Variants in FCGRT observed in about 807,000 individuals in gnomAD.
FCGRT encodes Fc gamma receptor and transporter, also known as IgG receptor FcRn large subunit p51.
FCGRT carries 13 observed loss-of-function variants against 35.7 expected under a neutral mutation model. The ratio of observed to expected loss-of-function variants is 0.36; its 90% CI spans 0.24 to 0.58. The LOEUF is 0.58. Among genes scored for constraint, FCGRT ranks in the 20% least tolerant of loss-of-function variants. FCGRT has a pLI of 0.77. For missense variants in FCGRT, 455 were observed against 474.9 expected, an observed-to-expected ratio of 0.96 and a Z score of 0.39; for synonymous variants, 233 against 216.5, an observed-to-expected ratio of 1.08 and a Z score of -0.67.
chr19:49,512,676 A>T lies in FCGRT; in HGVS notation c.-89A>T, dbSNP rs1039241112. On this transcript the variant is annotated 5_prime_UTR_variant, in exon 1 of 7. Transcript: ENST00000221466. ...AGCCTCCCACAGGATGTGAGAGAGG[A>T]ACTGGGGTCTCCAGTCACGGGAGCC... The T allele has an allele frequency of 6.4e-6, 1 of 155,292 alleles. No individual in the cohort carries two copies. The highest frequency in any genetic ancestry group is 1.4e-5 in the Non-Finnish European group (1 of 69,888). The allele number at this position is 155,292 out of a possible 1,614,324, so 9.6% of individuals were successfully genotyped here. A position where few individuals can be genotyped will look rare whatever the true frequency, so the allele number is the denominator to read the frequency against.
intron 4 of FCGRT, among the ~76,000 whole-genome samples, chr19:49,515,927 G>T (rs2080004839): frequency 6.6e-6 from 1 of 152,120 alleles, no homozygotes; most frequent in African/African-American, 2.4e-5. Context: ...CAAGGTCAGG[G>T]CTGGATATCA....
In FCGRT at chr19:49,514,146, T is replaced by A; in HGVS notation, c.325+13T>A. ...TTGGGGGGAAAAGGTGAGATTCCGG[T>A]CTGGAGGGGCAAGGGGCCGGGTCCA... On this transcript the variant is annotated intron_variant, in intron 3 of 6. Transcript: ENST00000221466. The A allele has an allele frequency of 6.2e-7, 1 of 1,612,802 alleles. No individual in the cohort carries two copies. Among genetic ancestry groups the A allele is most frequent in the Non-Finnish European group, 8.5e-7 (1 of 1,179,396 alleles).
At chr19:49,525,664 G>T (rs1362679343) in intron 6 of FCGRT, 91 bp downstream of exon 6, 15 of 874,032 alleles carry the variant, frequency 1.7e-5, no homozygotes, top group East Asian at 1.6e-4. Flanking sequence ...GACCCAGAGA[G>T]GGGGGACAGA....
chr19:49,524,993 T>C, intron 5 of FCGRT: 2 of 686,362 alleles, frequency 2.9e-6, no homozygotes, highest in East Asian at 2.8e-5. Flanking sequence ...CCTCACTGAG[T>C]CTGAAGAGCT....
In FCGRT at chr19:49,514,121, T is replaced by G; in HGVS notation, c.313T>G (p.Leu105Val). ...GCTCTTTCTGGAAGCTTTCAAAGCT[T>G]TGGGGGGAAAAGGTGAGATTCCGGT... ...EKLFLEAFKA[L>V]GGKGPYTLQG... Residue 105 changes from leucine to valine, a missense_variant, in exon 3 of 7, where the codon TTG (leucine) becomes GTG (valine). Physicochemically the swap from Leu to Val is conservative, Grantham distance 32. This residue lies in a region of FCGRT where 136 missense variants were observed against 158.9 expected (regional missense o/e 0.86). Coordinates refer to ENST00000221466, the MANE Select transcript of FCGRT (RefSeq NM_001136019.3). The G allele has an allele frequency of 1.2e-6, 2 of 1,612,778 alleles. No individual in the cohort carries two copies. Among genetic ancestry groups the G allele is most frequent in the Non-Finnish European group, 1.7e-6 (2 of 1,179,830 alleles).
intron 4 of FCGRT, among the ~76,000 whole-genome samples, chr19:49,524,227 G>A (rs1458591078): frequency 2.6e-5 from 4 of 151,880 alleles, no homozygotes; most frequent in Non-Finnish European, 5.9e-5. Flanking sequence ...GTGTGGTCTC[G>A]AACTCCTGAC....
At chr19:49,522,689 C>T (rs968842401) in intron 4 of FCGRT, among the ~76,000 whole-genome samples, 1 of 151,720 alleles carries the variant, frequency 6.6e-6, no homozygotes, top group South Asian at 2.1e-4. Context: ...GCCTCCACCC[C>T]CCAAAGCGCC....
At position 49,513,389 on chromosome 19, in the gene FCGRT, C is replaced by G; in HGVS notation, c.-12C>G. On this transcript the variant is annotated splice_region_variant and 5_prime_UTR_variant, in exon 2 of 7. Coordinates refer to ENST00000221466, the MANE Select transcript of FCGRT (RefSeq NM_001136019.3). ...TCACGTGCCCCCTCCCGCCCCAGGT[C>G]GTCCTCTCAGCATGGGGGTCCCGCG... 11 of 1,231,124 alleles carry G rather than the reference C, an allele frequency of 8.9e-6. No individual in the cohort carries two copies. Among genetic ancestry groups the G allele is most frequent in the Non-Finnish European group, 1.1e-5 (11 of 977,116 alleles). 76.3% of individuals were successfully genotyped at this position (1,231,124 alleles called of 1,614,324 possible).
chr19:49,526,318 C>T lies in FCGRT; in HGVS notation c.*199C>T, dbSNP rs115648877. 1,254 of 571,922 alleles carry T rather than the reference C, an allele frequency of 2.2e-3. 11 individuals carry two copies. Among genetic ancestry groups the T allele is most frequent in the African/African-American group, 0.02 (1,055 of 53,142 alleles). 35.4% of individuals were successfully genotyped at this position (571,922 alleles called of 1,614,324 possible). A position where few individuals can be genotyped will look rare whatever the true frequency, so the allele number is the denominator to read the frequency against. On this transcript the variant is annotated 3_prime_UTR_variant, in exon 7 of 7. Coordinates refer to ENST00000221466, the MANE Select transcript of FCGRT (RefSeq NM_001136019.3). The stretch of plus-strand genomic sequence containing the variant: ...TGTTTTCCACCTCGATAATATAACA[C>T]GAGTTTGGGCCCGAATCAGTGTGTT...
At chr19:49,523,915 CTT>C (rs2080057210) in intron 4 of FCGRT, among the ~76,000 whole-genome samples, 2 of 150,988 alleles carry the variant, frequency 1.3e-5, no homozygotes, top group South Asian at 2.1e-4. Flanking sequence ...TAAATTTCCT[CTT>C]GTGTCAGTTT....
At chr19:49,517,229 G>A (rs965789540) in intron 4 of FCGRT, among the ~76,000 whole-genome samples, 1 of 151,994 alleles carries the variant, frequency 6.6e-6, no homozygotes, top group Non-Finnish European at 1.5e-5. Context: ...AGTGGCTCAC[G>A]CCTGTAATTC....
rs1385756672 is a variant in FCGRT at position 49,526,060 on chromosome 19, C to G, written c.1039C>G (p.Pro347Ala). The G allele has an allele frequency of 1.2e-6, 2 of 1,613,704 alleles. No homozygotes were observed. Among genetic ancestry groups the G allele is most frequent in the African/African-American group, 1.3e-5 (1 of 74,916 alleles). ...CGACACCGGGGTCCTCCTGCCCACC[C>G]CAGGGGAGGCCCAGGATGCTGATTT... ...GDDTGVLLPT[P>A]GEAQDADLKD... The change falls in exon 7 of 7, where the codon CCA becomes GCA. Residue 347 changes from proline (P) to alanine (A), a missense_variant. By Grantham distance (27) the Pro-to-Ala change is conservative (BLOSUM62 -1). Around this residue, in one of 3 missense-constraint regions of FCGRT, gnomAD observed 312 missense variants for 296.1 expected, o/e 1.05. Coordinates refer to ENST00000221466, the MANE Select transcript of FCGRT (RefSeq NM_001136019.3).
Position 49,526,106 on chromosome 19 carries a change from C to T in FCGRT, c.1085C>T (p.Pro362Leu). The stretch of plus-strand genomic sequence containing the variant: ...GATTTGAAGGATGTAAATGTGATTC[C>T]AGCCACCGCCTGACCATCCGCCATT... ...DADLKDVNVI[P>L]ATA The change falls in exon 7 of 7, where the codon CCA becomes CTA. Residue 362 changes from proline to leucine, a missense_variant. Coordinates refer to ENST00000221466, the MANE Select transcript of FCGRT (RefSeq NM_001136019.3). The T allele has an allele frequency of 1.9e-6, 3 of 1,610,812 alleles. No individual in the cohort carries two copies. Among genetic ancestry groups the T allele is most frequent in the South Asian group, 1.1e-5 (1 of 91,042 alleles).
At chr19:49,525,264 G>C in intron 5 of FCGRT, 193 bp from the exon 6 acceptor site, 5 of 601,044 alleles carry the variant, frequency 8.3e-6, no homozygotes, top group South Asian at 6.9e-5. Context: ...GCGGCCGCTC[G>C]TGCTGTAGCT....
At chr19:49,517,894 T>TCTCTACTAA in intron 4 of FCGRT, among the ~76,000 whole-genome samples, 1 of 152,168 alleles carries the variant, frequency 6.6e-6, no homozygotes, top group Non-Finnish European at 1.5e-5. Flanking sequence ...GGTTTCACCA[T>TCTCTACTAA]ATTGGCCAGG....
At chr19:49,523,567 TCAAAAA>T (rs908048654) in intron 4 of FCGRT, among the ~76,000 whole-genome samples, 2 of 124,450 alleles carry the variant, frequency 1.6e-5, no homozygotes, top group East Asian at 2.4e-4. Context: ...GACTCTTATC[TCAAAAA>T]CAAAAGGCTA....
intron 4 of FCGRT, among the ~76,000 whole-genome samples, chr19:49,524,265 C>T (rs2080059267): frequency 6.6e-6 from 1 of 152,138 alleles, no homozygotes; most frequent in Non-Finnish European, 1.5e-5. Flanking sequence ...CTTTGGCCTC[C>T]CAAAGTGTTG....
chr19:49,525,936 C>G (rs2080073840), intron 6 of FCGRT, 74 bp from the exon 7 acceptor site: 2 of 902,564 alleles, frequency 2.2e-6, no homozygotes, highest in Non-Finnish European at 3.7e-6. Flanking sequence ...GACACACACA[C>G]AAATGGGGGA....
chr19:49,525,542 G>T lies in FCGRT; in HGVS notation c.957G>T (p.Leu319=), dbSNP rs771467179. 1 of 1,613,552 alleles carries T rather than the reference G, an allele frequency of 6.2e-7. No individual in the cohort carries two copies. Among genetic ancestry groups the T allele is most frequent in the African/African-American group, 1.3e-5 (1 of 75,036 alleles). Residue 319 remains leucine (L), a synonymous_variant, in exon 6 of 7, where the codon CTG becomes CTT. Transcript: ENST00000221466. ...CGGCAGCGGCTGTAGGAGGAGCTCTGTTGTGGAGAAGGATGAGGAGTGGGC... is the reference window on the plus strand; with the variant it reads ...CGGCAGCGGCTGTAGGAGGAGCTCTTTTGTGGAGAAGGATGAGGAGTGGGC... ...LLTAAAVGGA[L]LWRRMRSGLP...
Sources: gnomAD v4.1 joint callset for allele counts (sites outside exome capture counted in the v4.1 genomes callset) on GRCh38, gnomAD v4.1.1 for gene constraint, gnomAD v4.1.1 regional missense constraint, MANE v1.5 for transcripts, NCBI Gene and HGNC (gene_info 2026-07-23, HGNC 2026-07-21) for gene names.